Variants in ERC2 observed in about 807,000 individuals in gnomAD.
ERC2 encodes the protein ERC protein 2.
Under a neutral mutation model 114.8 loss-of-function variants are expected in ERC2, and 42 were observed. The observed-to-expected ratio is 0.37, with a 90% CI of 0.29 to 0.47. The LOEUF (loss-of-function observed/expected upper bound fraction) is 0.47, where lower values mean the gene tolerates loss of function less well. Among genes scored for constraint, ERC2 ranks in the 20% least tolerant of loss-of-function variants. The probability of loss-of-function intolerance (pLI) is 0.99; values close to 1 mark genes in which losing one functional copy is unlikely to be tolerated. For synonymous variants in ERC2, 454 were observed against 425.5 expected, an observed-to-expected ratio of 1.07 and a Z score of -0.82; for missense variants, 939 against 1,150.7, an observed-to-expected ratio of 0.82 and a Z score of 2.66.
In ERC2 at chr3:56,388,080, T is replaced by A. The variant is rs1233119765; in HGVS notation, c.657+46271A>T. 2.0e-5 allele frequency among the ~76,000 whole-genome samples: 3 copies of A among 152,280 alleles called. No individual in the cohort carries two copies. The East Asian group carries it at 5.8e-4, about 29-fold the overall frequency. The stretch of plus-strand genomic sequence containing the variant: ...ACATATACAAATCCTAACTCATCAT[T>A]TTCATAATAAATATTTATGCAGCAC... On this transcript the variant is annotated intron_variant, in intron 2 of 17. Transcript: ENST00000288221.
At chr3:56,400,955 C>CA (rs764826992) in intron 2 of ERC2, among the ~76,000 whole-genome samples, 8 of 152,150 alleles carry the variant, frequency 5.3e-5, no homozygotes, top group Non-Finnish European at 2.9e-5. Flanking sequence ...CACGATCTTG[C>CA]AAAAAAAGCT....
At chr3:55,606,950 C>T (rs543667633) in intron 17 of ERC2, 3 of 152,482 alleles carry the variant, frequency 2.0e-5, no homozygotes, top group South Asian at 4.2e-4. Context: ...TACGTGCCTC[C>T]GACAGAGCTG....
At chr3:56,259,343 T>C (rs2052751973) in intron 3 of ERC2, among the ~76,000 whole-genome samples, 1 of 152,178 alleles carries the variant, frequency 6.6e-6, no homozygotes, top group Non-Finnish European at 1.5e-5. Context: ...TGCATTTTAA[T>C]TCTTGGAAGA....
intron 15 of ERC2, among the ~76,000 whole-genome samples, chr3:55,706,716 G>A (rs2063510228): frequency 6.6e-6 from 1 of 152,066 alleles, no homozygotes; most frequent in South Asian, 2.1e-4. Flanking sequence ...CCAGCTTGGG[G>A]TCTGTTTTTG....
At chr3:55,790,686 C>T (rs184062655) in intron 14 of ERC2, among the ~76,000 whole-genome samples, 2 of 152,294 alleles carry the variant, frequency 1.3e-5, no homozygotes, top group African/African-American at 4.8e-5. Context: ...CTGGGGAAAC[C>T]CAACCCAGAC....
At chr3:55,750,123 A>C (rs550409511) in intron 14 of ERC2, among the ~76,000 whole-genome samples, 2 of 152,066 alleles carry the variant, frequency 1.3e-5, no homozygotes, top group East Asian at 3.9e-4. Flanking sequence ...AAGGATCAGC[A>C]ATGGGTAAGG....
Position 55,975,106 on chromosome 3 carries a change from C to A in ERC2, c.2267+10871G>T, listed in dbSNP as rs180826730. On this transcript the variant is annotated intron_variant, in intron 12 of 17. Transcript: ENST00000288221. ...TACTTAATAGCTGTATAAGAGTGGA[C>A]AAGTTACTTAACTTCCCTGAGCCTT... Among the ~76,000 whole-genome samples, 315 of 151,924 alleles carry A rather than the reference C, an allele frequency of 2.1e-3. 2 individuals are homozygous for A. The highest frequency in any genetic ancestry group is 7.3e-3 in the African/African-American group (302 of 41,444).
At chr3:56,151,781 T>C (rs2081424711) in intron 4 of ERC2, among the ~76,000 whole-genome samples, 1 of 152,146 alleles carries the variant, frequency 6.6e-6, no homozygotes, top group African/African-American at 2.4e-5. Context: ...CATACGGATG[T>C]TGAGATGCTA....
chr3:55,681,302 C>A (rs2062042859), intron 17 of ERC2, among the ~76,000 whole-genome samples: 2 of 152,126 alleles, frequency 1.3e-5, no homozygotes, highest in South Asian at 4.1e-4. Context: ...CATTTCAGCA[C>A]CAAAACTCCA....
At chr3:56,127,284 A>G (rs1371832673) in intron 6 of ERC2, among the ~76,000 whole-genome samples, 1 of 152,226 alleles carries the variant, frequency 6.6e-6, no homozygotes, top group African/African-American at 2.4e-5. Flanking sequence ...CCCTATTAAA[A>G]TATCAATGAC....
intron 6 of ERC2, among the ~76,000 whole-genome samples, chr3:56,100,440 A>T (rs895416981): frequency 6.6e-6 from 1 of 152,222 alleles, no homozygotes; most frequent in Non-Finnish European, 1.5e-5. Flanking sequence ...GACATTTCCC[A>T]GGTGGCATCC....
intron 11 of ERC2, among the ~76,000 whole-genome samples, chr3:55,988,878 T>C (rs1385101741): frequency 6.6e-6 from 1 of 152,244 alleles, no homozygotes; most frequent in Non-Finnish European, 1.5e-5. Context: ...AATGACAATA[T>C]TGCCCAATTT....
intron 15 of ERC2, among the ~76,000 whole-genome samples, chr3:55,709,585 C>T (rs550887659): frequency 7.5e-4 from 114 of 152,268 alleles, no homozygotes; most frequent in East Asian, 1.6e-3. Flanking sequence ...TGTGGGAGGA[C>T]GGAAGGACGC....
chr3:56,068,774 G>A (rs930071971), intron 7 of ERC2, among the ~76,000 whole-genome samples: 1 of 151,738 alleles, frequency 6.6e-6, no homozygotes, highest in Non-Finnish European at 1.5e-5. Context: ...CAAAGAACTT[G>A]GTTTCTGCCT....
intron 15 of ERC2, among the ~76,000 whole-genome samples, chr3:55,715,644 T>C (rs1220559159): frequency 1.3e-5 from 2 of 152,102 alleles, no homozygotes; most frequent in Non-Finnish European, 2.9e-5. Context: ...GTGTTTTTTT[T>C]CCTCTCTGCC....
intron 7 of ERC2, among the ~76,000 whole-genome samples, chr3:56,019,292 A>G (rs1253576689): frequency 6.6e-6 from 1 of 152,104 alleles, no homozygotes; most frequent in East Asian, 1.9e-4. Flanking sequence ...GTACGTAATC[A>G]CTATTATTTC....
At chr3:55,533,901 C>T (rs903817749) in intron 17 of ERC2, among the ~76,000 whole-genome samples, 3 of 152,266 alleles carry the variant, frequency 2.0e-5, no homozygotes, top group South Asian at 2.1e-4. Flanking sequence ...TGAAGCCCAG[C>T]GAGGGGCAGG....
intron 2 of ERC2, among the ~76,000 whole-genome samples, chr3:56,319,902 G>C (rs930927508): frequency 2.0e-5 from 3 of 152,172 alleles, no homozygotes; most frequent in Admixed American, 1.3e-4. Context: ...AATATTTGAA[G>C]AGATCATGAC....
intron 12 of ERC2, among the ~76,000 whole-genome samples, chr3:55,969,295 G>T (rs565310387): frequency 6.6e-6 from 1 of 152,046 alleles, no homozygotes; most frequent in East Asian, 1.9e-4. Context: ...GATACTTTTG[G>T]AAAGAGAGAT....
Sources: allele counts gnomAD v4.1 joint callset (sites outside exome capture counted in the v4.1 genomes callset), GRCh38; gene constraint gnomAD v4.1.1; transcripts MANE v1.5; gene names NCBI Gene and HGNC (gene_info 2026-07-23, HGNC 2026-07-21).